BCL11B: variants seen among roughly 807,000 people sequenced by gnomAD.
BCL11B encodes the protein B-cell lymphoma/leukemia 11B.
A neutral mutation model predicts 49.9 loss-of-function variants in BCL11B; 8 were observed. The observed-to-expected ratio is 0.16, with a 90% CI of 0.09 to 0.29. BCL11B has a LOEUF of 0.29. BCL11B is among the 10% of genes least tolerant of loss of function. BCL11B has a pLI of 1.00. For synonymous variants in BCL11B, 739 were observed against 637.4 expected, an observed-to-expected ratio of 1.16 and a Z score of -2.40; for missense variants, 1,006 against 1,351.0, an observed-to-expected ratio of 0.74 and a Z score of 4.00.
chr14:99,190,598 T>TAAGGGAAGGAGGGAAGAGGAAGG (rs1886996752), intron 3 of BCL11B, among the ~76,000 whole-genome samples: 1 of 151,914 alleles, frequency 6.6e-6, no homozygotes. Context: ...AAAAAATCTC[T>TAAGGGAAGGAGGGAAGAGGAAGG]AAGGGAAGGA....
chr14:99,210,358 G>A (rs911389288), intron 3 of BCL11B, among the ~76,000 whole-genome samples: 10 of 152,094 alleles, frequency 6.6e-5, no homozygotes, highest in African/African-American at 4.8e-5. Context: ...CGGAGAAGGG[G>A]AGGAAGAAGA....
chr14:99,190,004 ACT>A (rs2139794194), intron 3 of BCL11B, among the ~76,000 whole-genome samples: 1 of 152,138 alleles, frequency 6.6e-6, no homozygotes, highest in African/African-American at 2.4e-5. Flanking sequence ...CCAGGAAATC[ACT>A]CTCAAGGCAC....
chr14:99,178,033 C>T (rs2139766689), intron 3 of BCL11B, among the ~76,000 whole-genome samples: 1 of 152,286 alleles, frequency 6.6e-6, no homozygotes, highest in East Asian at 1.9e-4. Flanking sequence ...GGGCCGGGAC[C>T]TCCCCAAGAC....
In BCL11B at chr14:99,175,599, G is replaced by T; in HGVS notation, c.1237C>A (p.Pro413Thr). 1.3e-6 allele frequency: 2 copies of T among 1,572,280 alleles called. No individual in the cohort carries two copies. The highest frequency in any genetic ancestry group is 1.7e-6 in the Non-Finnish European group (2 of 1,164,244). ...TGCGGGGGCGGCGTGCCGCCAGGGG[G>T]CATGGGCGGCAGCGGCGGCGTGCTC... ...FLSTPPLPPMPPGGTPPPQPP... is the reference protein window; with the variant it reads ...FLSTPPLPPMTPGGTPPPQPP... The change falls in exon 4 of 4, where the codon CCC becomes ACC. Residue 413 changes from proline to threonine, a missense_variant. Pro to Thr is a conservative substitution (Grantham distance 38, BLOSUM62 -1). This residue lies in a region of BCL11B where 97 missense variants were observed against 81.5 expected (regional missense o/e 1.19). Transcript: ENST00000357195.
chr14:99,198,309 G>T (rs998088574), intron 3 of BCL11B, among the ~76,000 whole-genome samples: 1 of 152,138 alleles, frequency 6.6e-6, no homozygotes, highest in Non-Finnish European at 1.5e-5. Context: ...TTTCCTTTCG[G>T]TCCCTTTCCT....
At chr14:99,189,980 G>C (rs1164450800) in intron 3 of BCL11B, among the ~76,000 whole-genome samples, 1 of 152,170 alleles carries the variant, frequency 6.6e-6, no homozygotes, top group Non-Finnish European at 1.5e-5. Context: ...CAGAAGCAGG[G>C]GTGTGGGCCG....
intron 3 of BCL11B, among the ~76,000 whole-genome samples, chr14:99,222,031 T>C (rs987739341): frequency 1.3e-5 from 2 of 152,220 alleles, no homozygotes; most frequent in Non-Finnish European, 2.9e-5. Flanking sequence ...CCACTGCTTT[T>C]TGGGTAAAAG....
chr14:99,219,986 G>A (rs1043809913), intron 3 of BCL11B, among the ~76,000 whole-genome samples: 9 of 151,970 alleles, frequency 5.9e-5, no homozygotes, highest in East Asian at 3.9e-4. Context: ...GATTCAAACC[G>A]CCCTCAGGTT....
rs1373868128 is a variant in BCL11B at position 99,171,095 on chromosome 14, A to AT, written c.*3055dup. 1 of 229,192 alleles carries AT rather than the reference A, an allele frequency of 4.4e-6. No individual in the cohort carries two copies. Among genetic ancestry groups the AT allele is most frequent in the Admixed American group, 5.7e-5 (1 of 17,616 alleles). The allele number at this position is 229,192 out of a possible 1,614,324, so 14.2% of individuals were successfully genotyped here. A position where few individuals can be genotyped will look rare whatever the true frequency, so the allele number is the denominator to read the frequency against. On this transcript the variant is annotated 3_prime_UTR_variant, in exon 4 of 4. Transcript: ENST00000357195. ...GTTACTGACATCTTTACAAAAACTGATTTTTTTCCACTCAACACAAATAAT... is the reference window on the plus strand; with the variant it reads ...GTTACTGACATCTTTACAAAAACTGATTTTTTTTCCACTCAACACAAATAAT...
intron 3 of BCL11B, among the ~76,000 whole-genome samples, chr14:99,208,490 G>A (rs1253788933): frequency 2.6e-5 from 4 of 152,140 alleles, no homozygotes; most frequent in East Asian, 1.9e-4. Flanking sequence ...TAGCTTTCCC[G>A]AGGTCTCCTG....
At position 99,184,932 on chromosome 14, in the gene BCL11B, C is replaced by A. The variant is rs1213175641; in HGVS notation, c.641-8737G>T. 6.6e-6 allele frequency among the ~76,000 whole-genome samples: 1 copy of A among 152,196 alleles called. No individual in the cohort carries two copies. The highest frequency in any genetic ancestry group is 1.5e-5 in the Non-Finnish European group (1 of 68,026). On this transcript the variant is annotated intron_variant, in intron 3 of 3. Coordinates refer to ENST00000357195, the MANE Select transcript of BCL11B (RefSeq NM_138576.4). The surrounding 1 kb of genome is among the most constrained non-coding windows in gnomAD (Gnocchi z 6.1). The stretch of plus-strand genomic sequence containing the variant: ...AGGCTTTGAGAAAAACCTTAGGAAG[C>A]TGGGCCTACACCCCTCAAACAAAGA...
chr14:99,196,517 G>C (rs1413666745), intron 3 of BCL11B, among the ~76,000 whole-genome samples: 1 of 128,242 alleles, frequency 7.8e-6, no homozygotes, highest in East Asian at 1.9e-4. Context: ...GGTCAAAGCT[G>C]TTCCCAGTGG....
intron 3 of BCL11B, among the ~76,000 whole-genome samples, chr14:99,191,450 A>G (rs1431534919): frequency 6.6e-6 from 1 of 151,790 alleles, no homozygotes; most frequent in Non-Finnish European, 1.5e-5. Context: ...TCAGGAAGAG[A>G]GTGGGAAAGG....
chr14:99,220,675 T>A (rs1251431031), intron 3 of BCL11B, among the ~76,000 whole-genome samples: 1 of 152,070 alleles, frequency 6.6e-6, no homozygotes, highest in Non-Finnish European at 1.5e-5. Flanking sequence ...GCATAACAAT[T>A]GCAATGTACT....
Position 99,175,245 on chromosome 14 carries a change from C to T in BCL11B, c.1591G>A (p.Glu531Lys). The change falls in exon 4 of 4, where the codon GAG becomes AAG. Residue 531 changes from glutamate (E) to lysine (K), a missense_variant. By Grantham distance (56) the Glu-to-Lys change is moderately conservative. Around this residue, in one of 6 missense-constraint regions of BCL11B, gnomAD observed 443 missense variants for 499.7 expected, o/e 0.89. Coordinates refer to ENST00000357195, the MANE Select transcript of BCL11B (RefSeq NM_138576.4). ...ESDPSLGHEP[E>K]EEDEEEEEEE... Reference sequence around the variant, plus strand: ...TCCTCCTCCTCCTCGTCCTCCTCCTCCGGCTCGTGGCCCAGCGACGGGTCG... The same window carrying T: ...TCCTCCTCCTCCTCGTCCTCCTCCTTCGGCTCGTGGCCCAGCGACGGGTCG... 6.5e-7 allele frequency: 1 copy of T among 1,546,714 alleles called. No individual in the cohort carries two copies. The highest frequency in any genetic ancestry group is 8.7e-7 in the Non-Finnish European group (1 of 1,149,638).
chr14:99,175,301 G>A lies in BCL11B; in HGVS notation c.1535C>T (p.Ala512Val), dbSNP rs959367514. The A allele has an allele frequency of 1.9e-6, 3 of 1,540,286 alleles. No individual in the cohort carries two copies. Among genetic ancestry groups the A allele is most frequent in the Non-Finnish European group, 2.6e-6 (3 of 1,148,308 alleles). The change falls in exon 4 of 4, where the codon GCG becomes GTG. Residue 512 changes from alanine (A) to valine (V), a missense_variant. By Grantham distance (64) the Ala-to-Val change is moderately conservative. Coordinates refer to ENST00000357195, the MANE Select transcript of BCL11B (RefSeq NM_138576.4). The part of the protein sequence containing the change: ...TSELAGEGLK[A>V]ADGDFRHHES... ...GTGGTGGCGGAAGTCACCGTCGGCC[G>A]CCTTGAGGCCCTCGCCCGCCAGCTC...
intron 1 of BCL11B, among the ~76,000 whole-genome samples, chr14:99,269,997 GCGGGGAGC>G (rs1889613965): frequency 6.6e-6 from 1 of 151,900 alleles, no homozygotes; most frequent in Non-Finnish European, 1.5e-5. Flanking sequence ...GCTGCGGCGG[GCGGGGAGC>G]GCCGCAAAGC....
intron 3 of BCL11B, among the ~76,000 whole-genome samples, chr14:99,206,820 G>A (rs112586657): frequency 6.6e-6 from 1 of 152,180 alleles, no homozygotes. Context: ...ACTACTACCC[G>A]AGGTTTCTGG....
intron 2 of BCL11B, among the ~76,000 whole-genome samples, chr14:99,238,721 G>A (rs914063838): frequency 2.0e-5 from 3 of 152,194 alleles, no homozygotes; most frequent in Non-Finnish European, 4.4e-5. Flanking sequence ...CCGAACTACT[G>A]AAATGCAAAT....
Sources: gnomAD v4.1 joint callset for allele counts (sites outside exome capture counted in the v4.1 genomes callset) on GRCh38, gnomAD v4.1.1 for gene constraint, gnomAD v4.1.1 regional missense constraint, Gnocchi (gnomAD v3.1) non-coding constraint, MANE v1.5 for transcripts, NCBI Gene and HGNC (gene_info 2026-07-23, HGNC 2026-07-21) for gene names.